MMS22L: variants seen among roughly 807,000 people sequenced by gnomAD.
MMS22L encodes protein MMS22-like.
Under a neutral mutation model 159.1 loss-of-function variants are expected in MMS22L, and 74 were observed. The observed-to-expected ratio is 0.47, with a 90% CI of 0.39 to 0.56. MMS22L has a LOEUF of 0.56. Among genes scored for constraint, MMS22L ranks in the 20% least tolerant of loss-of-function variants. MMS22L has a pLI of 0.00. For synonymous variants in MMS22L, 517 were observed against 506.9 expected, an observed-to-expected ratio of 1.02 and a Z score of -0.27; for missense variants, 1,351 against 1,422.1, an observed-to-expected ratio of 0.95 and a Z score of 0.80.
At chr6:97,234,021 T>C (rs748430240) in intron 11 of MMS22L, 41 bp from the exon 12 acceptor site, 19 of 1,582,488 alleles carry the variant, frequency 1.2e-5, no homozygotes, top group Non-Finnish European at 1.5e-5. Context: ...AAATGGGCTC[T>C]GGCAATATAA....
intron 14 of MMS22L, among the ~76,000 whole-genome samples, chr6:97,188,239 C>T (rs1321127149): frequency 2.0e-5 from 3 of 152,186 alleles, no homozygotes; most frequent in African/African-American, 4.8e-5. Context: ...ACCATTTCTA[C>T]TGCCCTTTAT....
chr6:97,250,678 T>A (rs1205071187), intron 10 of MMS22L, among the ~76,000 whole-genome samples: 1 of 152,258 alleles, frequency 6.6e-6, no homozygotes, highest in East Asian at 1.9e-4. Flanking sequence ...GCTTTGTGAG[T>A]TAAATCCATT....
chr6:97,168,266 T>A (rs755884632), intron 19 of MMS22L, 26 bp from the exon 20 acceptor site: 1 of 1,607,290 alleles, frequency 6.2e-7, no homozygotes, highest in Non-Finnish European at 8.5e-7. Context: ...AGTAACAGCA[T>A]GTTGTTGTTA....
At chr6:97,192,145 G>A (rs1037958298) in intron 14 of MMS22L, among the ~76,000 whole-genome samples, 5 of 151,364 alleles carry the variant, frequency 3.3e-5, no homozygotes, top group Non-Finnish European at 7.4e-5. Flanking sequence ...ATATGTGGAG[G>A]AGGGGGTAAG....
Position 97,156,631 on chromosome 6 carries a change from T to C in MMS22L, c.3386-4764A>G, listed in dbSNP as rs138831350. On this transcript the variant is annotated intron_variant, in intron 22 of 24. Transcript: ENST00000683635. ...CAAAGATCAGATGGTTGTAGATGTGTGATGTTATTTCTGAGGCCTCTGCTC... is the reference window on the plus strand; with the variant it reads ...CAAAGATCAGATGGTTGTAGATGTGCGATGTTATTTCTGAGGCCTCTGCTC... 9.3e-3 allele frequency among the ~76,000 whole-genome samples: 1,413 copies of C among 152,216 alleles called. 23 individuals carry two copies. Among genetic ancestry groups the C allele is most frequent in the African/African-American group, 0.031 (1,291 of 41,528 alleles).
Position 97,146,057 on chromosome 6 carries a change from C to T in MMS22L, c.*749G>A, listed in dbSNP as rs1800914021. The T allele has an allele frequency of 6.6e-6, 1 of 151,588 alleles. No individual in the cohort carries two copies. The allele number at this position is 151,588 out of a possible 1,614,324, so 9.4% of individuals were successfully genotyped here. On this transcript the variant is annotated 3_prime_UTR_variant, in exon 25 of 25. Transcript: ENST00000683635. ...CTTTTCTAGAATATTTTTATTTACT[C>T]TCCTCTTAAAGTCTCCTTTATTTCC...
chr6:97,201,140 A>G (rs1346116655), intron 14 of MMS22L, among the ~76,000 whole-genome samples: 1 of 152,182 alleles, frequency 6.6e-6, no homozygotes, highest in Non-Finnish European at 1.5e-5. Context: ...AGAAACAATA[A>G]TCAGCTTACA....
intron 22 of MMS22L, among the ~76,000 whole-genome samples, chr6:97,160,152 A>T (rs959541327): frequency 3.9e-5 from 6 of 151,936 alleles, no homozygotes; most frequent in Admixed American, 2.6e-4. Context: ...AGATGAAAAA[A>T]TGTGAATTTA....
Position 97,149,914 on chromosome 6 carries a change from G to C in MMS22L, c.3589C>G (p.Leu1197Val). 6.2e-7 allele frequency: 1 copy of C among 1,613,676 alleles called. No individual in the cohort carries two copies. The highest frequency in any genetic ancestry group is 8.5e-7 in the Non-Finnish European group (1 of 1,179,744). Reference protein sequence around the residue: ...QQVVIHLISTLTQSLKDSEQK... With the variant: ...QQVVIHLISTVTQSLKDSEQK... ...TCTGAATCCTTCAGAGACTGAGTAA[G>C]GGTAGAAATCAAGTGGATGACAACC... The change falls in exon 24 of 25, where the codon CTT becomes GTT. Residue 1197 changes from leucine (L) to valine (V), a missense_variant. By Grantham distance (32) the Leu-to-Val change is conservative (BLOSUM62 1). Transcript: ENST00000683635.
intron 14 of MMS22L, among the ~76,000 whole-genome samples, chr6:97,212,449 T>G (rs977095343): frequency 1.3e-5 from 2 of 152,190 alleles, no homozygotes; most frequent in Non-Finnish European, 2.9e-5. Context: ...AAATCTTAAT[T>G]TAGAATGGAA....
rs970351252 is a variant in MMS22L at position 97,143,407 on chromosome 6, G to C, written c.*3399C>G. On this transcript the variant is annotated 3_prime_UTR_variant, in exon 25 of 25. Transcript: ENST00000683635. Reference sequence around the variant, plus strand: ...TAAAGGTACAGTCAGATAGGTGGCAGAAAGTCTCCAGACTGAAGGGTTTGA... The same window carrying C: ...TAAAGGTACAGTCAGATAGGTGGCACAAAGTCTCCAGACTGAAGGGTTTGA... 1 of 152,190 alleles carries C rather than the reference G, an allele frequency of 6.6e-6. No homozygotes were observed. The highest frequency in any genetic ancestry group is 1.5e-5 in the Non-Finnish European group (1 of 68,026). The allele number at this position is 152,190 out of a possible 1,614,324, so 9.4% of individuals were successfully genotyped here.
At chr6:97,152,013 T>C (rs528280156) in intron 22 of MMS22L, 146 bp from the exon 23 acceptor site, 31 of 566,896 alleles carry the variant, frequency 5.5e-5, no homozygotes, top group Non-Finnish European at 9.0e-5. Flanking sequence ...GAAATAGTTC[T>C]AAGTTTTTGT....
chr6:97,238,572 C>CATGTGTGTGTGT (rs1052667059), intron 11 of MMS22L, among the ~76,000 whole-genome samples: 25 of 91,434 alleles, frequency 2.7e-4, no homozygotes, highest in African/African-American at 8.5e-4. Flanking sequence ...TGTCTCATCT[C>CATGTGTGTGTGT]GTGTGTGTGT....
chr6:97,180,879 A>G (rs995594961), intron 16 of MMS22L, among the ~76,000 whole-genome samples: 8 of 152,202 alleles, frequency 5.3e-5, no homozygotes, highest in African/African-American at 1.9e-4. Flanking sequence ...AAGCTTCCTT[A>G]GGAAAAGACT....
rs34588294 is a variant in MMS22L at position 97,145,067 on chromosome 6, A to ACACACACACACACAC, written c.*1738_*1739insGTGTGTGTGTGTGTG. 1 of 124,236 alleles carries ACACACACACACACAC rather than the reference A, an allele frequency of 8.0e-6. No homozygotes were observed. The highest frequency in any genetic ancestry group is 4.0e-3 in the Middle Eastern group (1 of 248). 7.7% of individuals were successfully genotyped at this position (124,236 alleles called of 1,614,324 possible). A position where few individuals can be genotyped will look rare whatever the true frequency, so the allele number is the denominator to read the frequency against. On this transcript the variant is annotated 3_prime_UTR_variant, in exon 25 of 25. Coordinates refer to ENST00000683635, the MANE Select transcript of MMS22L (RefSeq NM_001350599.2). ...ACACACACACACACACACACACACA[A>ACACACACACACACAC]AAACACATATACACATAAATAACCT... is the stretch of plus-strand genomic sequence containing the variant.
intron 21 of MMS22L, 93 bp from the exon 22 acceptor site, chr6:97,162,258 C>T (rs1057254036): frequency 3.9e-6 from 4 of 1,026,688 alleles, no homozygotes; most frequent in Admixed American, 5.5e-5. Flanking sequence ...GCAAAATTTA[C>T]CCCCCAAATT....
chr6:97,216,565 A>G (rs906235785), intron 14 of MMS22L, among the ~76,000 whole-genome samples: 11 of 152,296 alleles, frequency 7.2e-5, no homozygotes, highest in African/African-American at 2.4e-4. Flanking sequence ...CCATAGTCAG[A>G]GAAGAGTTAA....
chr6:97,151,175 A>G (rs1801280850), intron 23 of MMS22L, among the ~76,000 whole-genome samples: 1 of 152,202 alleles, frequency 6.6e-6, no homozygotes, highest in South Asian at 2.1e-4. Context: ...CCAGTCTAGG[A>G]CCACGTAATG....
intron 19 of MMS22L, among the ~76,000 whole-genome samples, chr6:97,168,915 T>C (rs1803249633): frequency 6.6e-6 from 1 of 152,114 alleles, no homozygotes; most frequent in Non-Finnish European, 1.5e-5. Context: ...ATACTAATTT[T>C]CCCTGGGCCT....
Sources: gnomAD v4.1 joint callset for allele counts (sites outside exome capture counted in the v4.1 genomes callset) on GRCh38, gnomAD v4.1.1 for gene constraint, MANE v1.5 for transcripts, NCBI Gene and HGNC (gene_info 2026-07-23, HGNC 2026-07-21) for gene names.